TRAPPC9: variants seen among roughly 807,000 people sequenced by gnomAD.
The protein encoded by TRAPPC9 is trafficking protein particle complex subunit 9.
In TRAPPC9, 83 loss-of-function variants were observed where a neutral mutation model predicts 124.0. That is an observed-to-expected ratio of 0.67 (90% CI 0.56 to 0.80). The LOEUF is 0.80. TRAPPC9 is among the 30% of genes least tolerant of loss of function. TRAPPC9 has a pLI of 0.00. For synonymous variants in TRAPPC9, 638 were observed against 617.5 expected (o/e 1.03, Z -0.49); for missense variants, 1,302 against 1,508.3 (o/e 0.86, Z 2.27).
chr8:140,194,403 T>A (rs2131103745), intron 17 of TRAPPC9, among the ~76,000 whole-genome samples: 1 of 152,334 alleles, frequency 6.6e-6, no homozygotes, highest in Non-Finnish European at 1.5e-5. Flanking sequence ...CTAGATTTAT[T>A]ATACCTAATA....
At chr8:140,085,752 G>T (rs1404660761) in intron 17 of TRAPPC9, among the ~76,000 whole-genome samples, 1 of 152,240 alleles carries the variant, frequency 6.6e-6, no homozygotes, top group African/African-American at 2.4e-5. Context: ...AAAAGCAGAT[G>T]ACAGCCTCTG....
At chr8:140,378,314 G>A (rs2068505305) in intron 7 of TRAPPC9, among the ~76,000 whole-genome samples, 1 of 152,134 alleles carries the variant, frequency 6.6e-6, no homozygotes, top group South Asian at 2.1e-4. Flanking sequence ...TTGACTCGGT[G>A]GGCTGGGAGA....
rs551705344 is a variant in TRAPPC9 at position 140,360,693 on chromosome 8, T to C, written c.1352-500A>G. ...TCACTCCAAAACAGTTTAGCATCTTTGAATTAAAGACGGAGAAATCTGGAT... is the reference window on the plus strand; with the variant it reads ...TCACTCCAAAACAGTTTAGCATCTTCGAATTAAAGACGGAGAAATCTGGAT... On this transcript the variant is annotated intron_variant, in intron 8 of 22. Coordinates refer to ENST00000438773, the MANE Select transcript of TRAPPC9 (RefSeq NM_001160372.4). Among the ~76,000 whole-genome samples the C allele has an allele frequency of 1.2e-4, 18 of 152,346 alleles. No homozygotes were observed. In the South Asian group the frequency reaches 3.5e-3, roughly 30 times the overall value.
intron 21 of TRAPPC9, among the ~76,000 whole-genome samples, chr8:139,784,645 A>ATATATATATATATATATATATATAT (rs71318315): frequency 1.4e-5 from 2 of 140,982 alleles, no homozygotes; most frequent in Non-Finnish European, 3.1e-5. Flanking sequence ...ATATATATAT[A>ATATATATATATATATATATATATAT]AATCAACTGC....
At chr8:140,249,819 A>G (rs2064088095) in intron 16 of TRAPPC9, among the ~76,000 whole-genome samples, 1 of 152,010 alleles carries the variant, frequency 6.6e-6, no homozygotes, top group Non-Finnish European at 1.5e-5. Context: ...CATGTTAGCC[A>G]GGATGGTCTC....
intron 22 of TRAPPC9, 113 bp from the exon 23 acceptor site, chr8:139,731,341 C>T (rs369462111): frequency 2.8e-5 from 37 of 1,309,600 alleles, no homozygotes; most frequent in African/African-American, 4.4e-5. Context: ...AAGCGAGGGC[C>T]GCCCAGGCCT....
intron 17 of TRAPPC9, among the ~76,000 whole-genome samples, chr8:140,110,211 T>TGCATCCCCC: frequency 1.6e-5 from 1 of 63,448 alleles, no homozygotes; most frequent in Non-Finnish European, 3.2e-5. Context: ...ATGCACCCCC[T>TGCATCCCCC]GTGGTAGCTC....
intron 17 of TRAPPC9, among the ~76,000 whole-genome samples, chr8:140,172,306 G>T (rs140935205): frequency 6.5e-4 from 99 of 152,156 alleles, no homozygotes; most frequent in African/African-American, 2.3e-3. Context: ...AAAGGACCAT[G>T]ATGTCAGTTT....
At chr8:139,865,017 T>A (rs1315989169) in intron 21 of TRAPPC9, among the ~76,000 whole-genome samples, 2 of 152,178 alleles carry the variant, frequency 1.3e-5, no homozygotes, top group African/African-American at 4.8e-5. Context: ...CTGGGCTTGA[T>A]TCACATCTGC....
chr8:140,445,473 G>A (rs1262993947), intron 2 of TRAPPC9, among the ~76,000 whole-genome samples: 3 of 152,174 alleles, frequency 2.0e-5, no homozygotes, highest in Non-Finnish European at 4.4e-5. Flanking sequence ...TGAAGGGCCT[G>A]CGGTCCAGGA....
intron 19 of TRAPPC9, among the ~76,000 whole-genome samples, chr8:139,974,769 C>T (rs1000225535): frequency 4.6e-5 from 7 of 152,032 alleles, no homozygotes; most frequent in Non-Finnish European, 7.4e-5. Context: ...ATTTTACAGA[C>T]GTGGACGCGA....
intron 15 of TRAPPC9, chr8:140,262,754 A>G (rs1461431734): frequency 6.6e-6 from 1 of 152,220 alleles, no homozygotes; most frequent in Non-Finnish European, 1.5e-5. Flanking sequence ...GGTGACTGGC[A>G]TGTCAATGTG....
At chr8:140,056,319 A>G (rs1218485576) in intron 17 of TRAPPC9, among the ~76,000 whole-genome samples, 1 of 152,044 alleles carries the variant, frequency 6.6e-6, no homozygotes, top group South Asian at 2.1e-4. Flanking sequence ...CTGAGGAGGA[A>G]GAATGGCTTA....
chr8:139,913,775 A>G (rs887555118), intron 19 of TRAPPC9: 1 of 152,292 alleles, frequency 6.6e-6, no homozygotes, highest in Non-Finnish European at 1.5e-5. Context: ...TTCAAGTCCT[A>G]TTGCCAGAAT....
chr8:140,234,753 A>T (rs193300273), intron 16 of TRAPPC9, among the ~76,000 whole-genome samples: 1 of 152,352 alleles, frequency 6.6e-6, no homozygotes, highest in Non-Finnish European at 1.5e-5. Context: ...TCTATTCAAC[A>T]AATACTTGTG....
Position 140,291,058 on chromosome 8 carries a change from C to T in TRAPPC9, c.1789G>A (p.Asp597Asn). The change falls in exon 12 of 23, where the codon GAT becomes AAT. Residue 597 changes from aspartate to asparagine, a missense_variant. This residue lies in a region of TRAPPC9 where 657 missense variants were observed against 811.2 expected (regional missense o/e 0.81). Transcript: ENST00000438773. ...KKIDFQWVQG[D>N]VCEVQLMVYN... ...ACCATCAGCTGAACTTCACACACAT[C>T]TCCTTGAACCCACTGGAAATCTAGA... is the stretch of plus-strand genomic sequence containing the variant. 6.2e-7 allele frequency: 1 copy of T among 1,614,224 alleles called. No homozygotes were observed. Among genetic ancestry groups the T allele is most frequent in the African/African-American group, 1.3e-5 (1 of 75,068 alleles).
At chr8:140,101,345 A>G (rs1209805270) in intron 17 of TRAPPC9, among the ~76,000 whole-genome samples, 1 of 152,058 alleles carries the variant, frequency 6.6e-6, no homozygotes, top group African/African-American at 2.4e-5. Context: ...TATGTTGGCC[A>G]GGCTGGTCTT....
chr8:140,025,565 C>CAAAAAAAAAAAAAAAAAAAAAAAAAAG (rs11329773), intron 17 of TRAPPC9, among the ~76,000 whole-genome samples: 1 of 123,848 alleles, frequency 8.1e-6, no homozygotes, highest in Non-Finnish European at 1.7e-5. Context: ...AAGCAAAATG[C>CAAAAAAAAAAAAAAAAAAAAAAAAAAG]AAAAAAAAAA....
intron 17 of TRAPPC9, among the ~76,000 whole-genome samples, chr8:140,036,492 A>G (rs572400847): frequency 6.6e-6 from 1 of 152,288 alleles, no homozygotes; most frequent in Non-Finnish European, 1.5e-5. Flanking sequence ...ACCGAAAAAA[A>G]ATGAGAAGAA....
Sources: gnomAD v4.1 joint callset for allele counts (sites outside exome capture counted in the v4.1 genomes callset) on GRCh38, gnomAD v4.1.1 for gene constraint, gnomAD v4.1.1 regional missense constraint, MANE v1.5 for transcripts, NCBI Gene and HGNC (gene_info 2026-07-23, HGNC 2026-07-21) for gene names.